ZNF778: variants seen among roughly 807,000 people sequenced by gnomAD.
The protein encoded by ZNF778 is zinc finger protein 778.
Under a neutral mutation model 23.9 loss-of-function variants are expected in ZNF778, and 37 were observed. The observed-to-expected ratio is 1.54, with a 90% confidence interval of 1.19 to 2.03. The LOEUF (loss-of-function observed/expected upper bound fraction) is 2.03. ZNF778 is among the 30% of genes most tolerant of loss of function. The pLI is 0.00. For missense variants in ZNF778, 1,297 were observed against 934.4 expected (o/e 1.39, Z -5.06); for synonymous variants, 483 against 343.9 (o/e 1.40, Z -4.48).
rs927826049 is a variant in ZNF778, at chr16:89,230,647, C to G, written c.*2085C>G. 2.0e-5 allele frequency: 3 copies of G among 152,250 alleles called. No homozygotes were observed. The highest frequency in any genetic ancestry group is 4.4e-5 in the Non-Finnish European group (3 of 68,064). The allele number at this position is 152,250 out of a possible 1,614,324, so 9.4% of individuals were successfully genotyped here. A position where few individuals can be genotyped will look rare whatever the true frequency, so the allele number is the denominator to read the frequency against. On this transcript the variant is annotated 3_prime_UTR_variant, in exon 7 of 7. Coordinates refer to ENST00000433976, the MANE Select transcript of ZNF778 (RefSeq NM_001201407.2). ...CTTGGATGAGGCCCTTAAACACACA[C>G]AGTGGCAGAGCAAGACTTCATGTGA...
Position 89,233,821 on chromosome 16 carries a change from C to G in ZNF778, c.*5259C>G, listed in dbSNP as rs2032146031. ...AGCTCGCACTGCGTATGCAACTCAA[C>G]TGTTGCAAGTACTTATTTCCGGCCA... On this transcript the variant is annotated 3_prime_UTR_variant, in exon 7 of 7. Coordinates refer to ENST00000433976, the MANE Select transcript of ZNF778 (RefSeq NM_001201407.2). 7.7e-7 allele frequency: 1 copy of G among 1,291,410 alleles called. No individual in the cohort carries two copies. The highest frequency in any genetic ancestry group is 1.2e-5 in the South Asian group (1 of 81,060). The allele number at this position is 1,291,410 out of a possible 1,614,324, so 80.0% of individuals were successfully genotyped here.
At position 89,232,746 on chromosome 16, in the gene ZNF778, G is replaced by T. The variant is rs1413269925; in HGVS notation, c.*4184G>T. The T allele has an allele frequency of 9.3e-6, 12 of 1,284,660 alleles. No homozygotes were observed. The highest frequency in any genetic ancestry group is 1.1e-5 in the Non-Finnish European group (11 of 985,180). The allele number at this position is 1,284,660 out of a possible 1,614,324, so 79.6% of individuals were successfully genotyped here. ...CATTCCTAAAGATGGTAAACAACTT[G>T]CTGGAAACATGCACTGCATATACAA... is the stretch of plus-strand genomic sequence containing the variant. On this transcript the variant is annotated 3_prime_UTR_variant, in exon 7 of 7. Coordinates refer to ENST00000433976, the MANE Select transcript of ZNF778 (RefSeq NM_001201407.2).
In ZNF778 at chr16:89,223,380, G is replaced by A. The variant is rs1597351263; in HGVS notation, c.244+97G>A. 46 of 1,536,058 alleles carry A rather than the reference G, an allele frequency of 3.0e-5. No individual in the cohort carries two copies. The East Asian group carries it at 7.5e-4, about 25-fold the overall frequency. ...TGGTGACGGCAAAGCCGAGTACCAC[G>A]GGAAGTAAGAGATATAACAACTGTG... is the stretch of plus-strand genomic sequence containing the variant. On this transcript the variant is annotated intron_variant, in intron 4 of 6. Transcript: ENST00000433976.
At chr16:89,221,533 C>G (rs570140326) in intron 2 of ZNF778, among the ~76,000 whole-genome samples, 2 of 151,482 alleles carry the variant, frequency 1.3e-5, no homozygotes, top group Admixed American at 6.6e-5. Context: ...GTGTGTTTTC[C>G]TGAGGCACTG....
At position 89,232,921 on chromosome 16, in the gene ZNF778, G is replaced by T. The variant is rs71395396; in HGVS notation, c.*4359G>T. Reference sequence around the variant, plus strand: ...GCGTATGCAACTCAACTCGCACTGCGTATGCGAATCCACTCACTGCCTATG... The same window carrying T: ...GCGTATGCAACTCAACTCGCACTGCTTATGCGAATCCACTCACTGCCTATG... On this transcript the variant is annotated 3_prime_UTR_variant, in exon 7 of 7. Coordinates refer to ENST00000433976, the MANE Select transcript of ZNF778 (RefSeq NM_001201407.2). 7.8e-7 allele frequency: 1 copy of T among 1,275,334 alleles called. No individual in the cohort carries two copies. Among genetic ancestry groups the T allele is most frequent in the South Asian group, 1.3e-5 (1 of 78,386 alleles). The allele number at this position is 1,275,334 out of a possible 1,614,324, so 79.0% of individuals were successfully genotyped here. A position where few individuals can be genotyped will look rare whatever the true frequency, so the allele number is the denominator to read the frequency against.
rs2032105008 is a variant in ZNF778, at chr16:89,233,519, A to T, written c.*4957A>T. On this transcript the variant is annotated 3_prime_UTR_variant, in exon 7 of 7. Transcript: ENST00000433976. ...CAACTCAGCTTGCTCTGTGTATGCA[A>T]CTCAACTCGCACTGCGTATGCAAAT... 7.8e-7 allele frequency: 1 copy of T among 1,282,456 alleles called. No individual in the cohort carries two copies. The highest frequency in any genetic ancestry group is 1.0e-6 in the Non-Finnish European group (1 of 986,678). 79.4% of individuals were successfully genotyped at this position (1,282,456 alleles called of 1,614,324 possible). A position where few individuals can be genotyped will look rare whatever the true frequency, so the allele number is the denominator to read the frequency against.
At position 89,228,636 on chromosome 16, in the gene ZNF778, T is replaced by A. The variant is rs1301907425; in HGVS notation, c.*74T>A. The A allele has an allele frequency of 4.0e-6, 6 of 1,517,872 alleles. No individual in the cohort carries two copies. The Admixed American group carries it at 6.9e-5, about 17-fold the overall frequency. 94.0% of individuals were successfully genotyped at this position (1,517,872 alleles called of 1,614,324 possible). On this transcript the variant is annotated 3_prime_UTR_variant, in exon 7 of 7. Coordinates refer to ENST00000433976, the MANE Select transcript of ZNF778 (RefSeq NM_001201407.2). ...CATGAAAGACCTCTCGTTCTCCAGA[T>A]GTCCATGACTTGAGGAATGTGGCTA...
intron 4 of ZNF778, among the ~76,000 whole-genome samples, chr16:89,223,753 C>G (rs1213263837): frequency 6.6e-6 from 1 of 152,148 alleles, no homozygotes; most frequent in Non-Finnish European, 1.5e-5. Flanking sequence ...CTTTGGGGCG[C>G]AGAAGGATGG....
Position 89,230,125 on chromosome 16 carries a change from TTG to T in ZNF778, c.*1564_*1565del. 1.3e-6 allele frequency: 1 copy of T among 747,258 alleles called. No homozygotes were observed. Among genetic ancestry groups the T allele is most frequent in the Non-Finnish European group, 1.6e-6 (1 of 613,796 alleles). 46.3% of individuals were successfully genotyped at this position (747,258 alleles called of 1,614,324 possible). A position where few individuals can be genotyped will look rare whatever the true frequency, so the allele number is the denominator to read the frequency against. On this transcript the variant is annotated 3_prime_UTR_variant, in exon 7 of 7. Transcript: ENST00000433976. ...CTGTAGGGTCCCACACTGGCCAATG[TTG>T]GGGCATAACACAGCTCTACATTTTA...
Position 89,233,975 on chromosome 16 carries a change from C to T in ZNF778, c.*5413C>T. On this transcript the variant is annotated 3_prime_UTR_variant, in exon 7 of 7. Coordinates refer to ENST00000433976, the MANE Select transcript of ZNF778 (RefSeq NM_001201407.2). ...CTGGAAGTATGCAGACTAGCCAGCC[C>T]CAGACTTCATCCTGCCCTGTCCTGC... 8.0e-7 allele frequency: 1 copy of T among 1,252,756 alleles called. No homozygotes were observed. The highest frequency in any genetic ancestry group is 1.0e-6 in the Non-Finnish European group (1 of 955,418). 77.6% of individuals were successfully genotyped at this position (1,252,756 alleles called of 1,614,324 possible).
Position 89,230,796 on chromosome 16 carries a change from A to G in ZNF778, c.*2234A>G, listed in dbSNP as rs1346399156. Reference sequence around the variant, plus strand: ...AATCCCCACGGTATAAAGGTAATCTACAACGAGGTGAACAATAAATCCTGG... The same window carrying G: ...AATCCCCACGGTATAAAGGTAATCTGCAACGAGGTGAACAATAAATCCTGG... On this transcript the variant is annotated 3_prime_UTR_variant, in exon 7 of 7. Transcript: ENST00000433976. 1 of 152,256 alleles carries G rather than the reference A, an allele frequency of 6.6e-6. No homozygotes were observed. Among genetic ancestry groups the G allele is most frequent in the Non-Finnish European group, 1.5e-5 (1 of 68,058 alleles). 9.4% of individuals were successfully genotyped at this position (152,256 alleles called of 1,614,324 possible).
intron 1 of ZNF778, among the ~76,000 whole-genome samples, chr16:89,220,708 C>T (rs1190922289): frequency 6.6e-6 from 1 of 152,158 alleles, no homozygotes; most frequent in Non-Finnish European, 1.5e-5. Flanking sequence ...AGCTAACCGT[C>T]CTGGTTCACC....
rs188639672 is a variant in ZNF778, at chr16:89,227,774, G to A, written c.1486G>A (p.Ala496Thr). The change falls in exon 7 of 7, where the codon GCG becomes ACG. Residue 496 changes from alanine (A) to threonine (T), a missense_variant. By Grantham distance (58) the Ala-to-Thr change is moderately conservative. Transcript: ENST00000433976. ...FTVSSSLTEH[A>T]RIHTGEKPYE... ...TGTTTCTTCAAGCCTGACTGAGCAC[G>A]CGAGAATCCATACCGGAGAGAAACC... 14 of 1,612,850 alleles carry A rather than the reference G, an allele frequency of 8.7e-6. No homozygotes were observed. The highest frequency in any genetic ancestry group is 7.7e-5 in the South Asian group (7 of 91,028).
Position 89,224,796 on chromosome 16 carries a change from C to T in ZNF778, c.322C>T (p.Leu108Phe), listed in dbSNP as rs761073374. The change falls in exon 5 of 7, where the codon CTC becomes TTC. Residue 108 changes from leucine to phenylalanine, a missense_variant. Coordinates refer to ENST00000433976, the MANE Select transcript of ZNF778 (RefSeq NM_001201407.2). ...EELRAGRRAV[L>F]QEWRLKTKGP... Reference sequence around the variant, plus strand: ...GTTGAGGGCAGGGCGGAGAGCAGTTCTCCAAGGTAAGTGTGAAGAGCACGC... The same window carrying T: ...GTTGAGGGCAGGGCGGAGAGCAGTTTTCCAAGGTAAGTGTGAAGAGCACGC... The T allele has an allele frequency of 3.9e-5, 55 of 1,400,040 alleles. No individual in the cohort carries two copies. The highest frequency in any genetic ancestry group is 5.2e-5 in the Admixed American group (2 of 38,130). 86.7% of individuals were successfully genotyped at this position (1,400,040 alleles called of 1,614,324 possible). A position where few individuals can be genotyped will look rare whatever the true frequency, so the allele number is the denominator to read the frequency against.
At position 89,227,511 on chromosome 16, in the gene ZNF778, TTAA is replaced by T. The variant is rs780432919; in HGVS notation, c.1228_1230del (p.Asn410del). 5.0e-6 allele frequency: 8 copies of T among 1,613,790 alleles called. No individual in the cohort carries two copies. Among genetic ancestry groups the T allele is most frequent in the Non-Finnish European group, 6.8e-6 (8 of 1,179,930 alleles). Reference sequence around the variant, plus strand: ...AAATATTTTAGAAATTCCTCATGCCTTAATAATCATGTTCGAATTCACACTGGA... The same window carrying T: ...AAATATTTTAGAAATTCCTCATGCCTTAATCATGTTCGAATTCACACTGGA... On this transcript the variant is annotated inframe_deletion, in exon 7 of 7. Transcript: ENST00000433976.
rs145312205 is a variant in ZNF778, at chr16:89,228,955, C to T, written c.*393C>T. 7.5e-5 allele frequency: 75 copies of T among 1,004,650 alleles called. No homozygotes were observed. The African/African-American group carries it at 1.3e-3, about 17-fold the overall frequency. The allele number at this position is 1,004,650 out of a possible 1,614,324, so 62.2% of individuals were successfully genotyped here. A position where few individuals can be genotyped will look rare whatever the true frequency, so the allele number is the denominator to read the frequency against. ...ACCCTTTAGTAAACGTGGTGATTGACACTTGAAGTGTTGTGAATGTATGGA... is the reference window on the plus strand; with the variant it reads ...ACCCTTTAGTAAACGTGGTGATTGATACTTGAAGTGTTGTGAATGTATGGA... On this transcript the variant is annotated 3_prime_UTR_variant, in exon 7 of 7. Transcript: ENST00000433976.
chr16:89,226,660 A>C, intron 6 of ZNF778, 34 bp from the exon 7 acceptor site: 1 of 1,561,190 alleles, frequency 6.4e-7, no homozygotes, highest in Non-Finnish European at 8.7e-7. Context: ...CAGCCTCAGT[A>C]ACCCCCTGAC....
rs760719040 is a variant in ZNF778, at chr16:89,224,150, A to G, written c.245-569A>G. Reference sequence around the variant, plus strand: ...TGCAGTGGCTCAGGGCTGTAATCCCAGCACTCTAGGAGGCCAGGCGCAGTG... The same window carrying G: ...TGCAGTGGCTCAGGGCTGTAATCCCGGCACTCTAGGAGGCCAGGCGCAGTG... On this transcript the variant is annotated intron_variant, in intron 4 of 6. Coordinates refer to ENST00000433976, the MANE Select transcript of ZNF778 (RefSeq NM_001201407.2). Among the ~76,000 whole-genome samples, 62 of 152,070 alleles carry G rather than the reference A, an allele frequency of 4.1e-4. 1 individual carries two copies. The highest frequency in any genetic ancestry group is 2.7e-3 in the Admixed American group (41 of 15,278).
At position 89,232,499 on chromosome 16, in the gene ZNF778, C is replaced by T. The variant is rs1390427220; in HGVS notation, c.*3937C>T. 4 of 554,296 alleles carry T rather than the reference C, an allele frequency of 7.2e-6. No homozygotes were observed. Among genetic ancestry groups the T allele is most frequent in the African/African-American group, 4.0e-5 (2 of 50,330 alleles). The allele number at this position is 554,296 out of a possible 1,614,324, so 34.3% of individuals were successfully genotyped here. A position where few individuals can be genotyped will look rare whatever the true frequency, so the allele number is the denominator to read the frequency against. On this transcript the variant is annotated 3_prime_UTR_variant, in exon 7 of 7. Transcript: ENST00000433976. The stretch of plus-strand genomic sequence containing the variant: ...CTGCAAGTACTGGTTAGGCAGATAC[C>T]TGTATTTCTCTTCCTAACTCTCAGA...
Sources: allele counts gnomAD v4.1 joint callset (sites outside exome capture counted in the v4.1 genomes callset), GRCh38; gene constraint gnomAD v4.1.1; transcripts MANE v1.5; gene names NCBI Gene and HGNC (gene_info 2026-07-23, HGNC 2026-07-21).